The following THOC5 variants were observed in gnomAD, a reference collection of about 807,000 sequenced individuals.
The protein encoded by THOC5 is Fms-interacting protein.
In THOC5, 43 loss-of-function variants were observed where a neutral mutation model predicts 92.9. The ratio of observed to expected loss-of-function variants is 0.46; its 90% CI spans 0.36 to 0.60. The LOEUF is 0.60. Among genes scored for constraint, THOC5 ranks in the 20% least tolerant of loss-of-function variants. THOC5 has a pLI of 0.00. For missense variants in THOC5, 659 were observed against 849.4 expected (o/e 0.78, Z 2.79); for synonymous variants, 296 against 320.1 (o/e 0.92, Z 0.80).
intron 2 of THOC5, 34 bp from the exon 3 acceptor site, chr22:29,544,637 G>C: frequency 6.6e-7 from 1 of 1,524,132 alleles, no homozygotes; most frequent in Non-Finnish European, 8.8e-7. Context: ...CTGTGTGCAT[G>C]GGGTAAAAGT....
chr22:29,544,362 G>A lies in THOC5; in HGVS notation c.240+98C>T, dbSNP rs548368025. 9.7e-5 allele frequency: 130 copies of A among 1,345,004 alleles called. 2 individuals are homozygous for A. The South Asian group carries it at 1.9e-3, about 20-fold the overall frequency. 83.3% of individuals were successfully genotyped at this position (1,345,004 alleles called of 1,614,324 possible). On this transcript the variant is annotated intron_variant, in intron 3 of 19. Transcript: ENST00000490103. ...GCTCCAATCACCTGATCATGGCTAG[G>A]ACAGAAGATCAAGATCAGGAAGGGC...
intron 1 of THOC5, among the ~76,000 whole-genome samples, chr22:29,551,677 G>A (rs67292640): frequency 0.25 from 37,538 of 151,824 alleles, 4,733 homozygotes; most frequent in East Asian, 0.32. Flanking sequence ...CTTGAGCCCA[G>A]AAGTTCCAGG....
rs2063661676 is a variant in THOC5, at chr22:29,531,874, G to A, written c.804C>T (p.Leu268=). The A allele has an allele frequency of 1.2e-6, 2 of 1,614,214 alleles. No homozygotes were observed. The highest frequency in any genetic ancestry group is 2.2e-5 in the South Asian group (2 of 91,088). Residue 268 remains leucine (L), a synonymous_variant, in exon 8 of 20, where the codon CTC becomes CTT. Transcript: ENST00000490103. ...YETARHLPPP[L]YVLFVQATAY... ...CAGTGGCCTGAACAAAGAGGACATAGAGGGGAGGCGGCAGGTGTCTGGCTG... is the reference window on the plus strand; with the variant it reads ...CAGTGGCCTGAACAAAGAGGACATAAAGGGGAGGCGGCAGGTGTCTGGCTG...
chr22:29,552,966 T>C (rs1416137671), intron 1 of THOC5, among the ~76,000 whole-genome samples: 1 of 152,126 alleles, frequency 6.6e-6, no homozygotes, highest in African/African-American at 2.4e-5. Context: ...CTGAAACATG[T>C]GCTGTGTCCA....
At chr22:29,549,801 T>A (rs1186080955) in intron 1 of THOC5, among the ~76,000 whole-genome samples, 12 of 152,102 alleles carry the variant, frequency 7.9e-5, no homozygotes, top group Non-Finnish European at 1.3e-4. Flanking sequence ...AACTGCACCC[T>A]GCAATCCCAG....
At chr22:29,539,888 G>C (rs571326942) in intron 5 of THOC5, among the ~76,000 whole-genome samples, 1 of 152,174 alleles carries the variant, frequency 6.6e-6, no homozygotes, top group Admixed American at 6.6e-5. Context: ...CATTAGCCGC[G>C]TAAGAACAGA....
intron 17 of THOC5, among the ~76,000 whole-genome samples, chr22:29,514,407 C>T (rs1309229588): frequency 2.0e-5 from 3 of 148,700 alleles, no homozygotes; most frequent in Non-Finnish European, 4.5e-5. Context: ...AGCTCCGCCT[C>T]CCGGGTTCAC....
In THOC5 at chr22:29,511,260, G is replaced by T. The variant is rs1273097734; in HGVS notation, c.1834C>A (p.Leu612Met). 6.2e-7 allele frequency: 1 copy of T among 1,613,840 alleles called. No homozygotes were observed. Among genetic ancestry groups the T allele is most frequent in the African/African-American group, 1.3e-5 (1 of 74,914 alleles). ...TGGTGGCTGGGCCAAGGGCCACACA[G>T]CTCCTTGTAGCACACATTGACTTCG... ...EGEVNVCYKE[L>M]CGPWPSHQLL... Residue 612 changes from leucine to methionine, a missense_variant, in exon 19 of 20, where the codon CTG becomes ATG. Leu to Met is a conservative substitution (Grantham distance 15). Coordinates refer to ENST00000490103, the MANE Select transcript of THOC5 (RefSeq NM_003678.5).
intron 11 of THOC5, among the ~76,000 whole-genome samples, chr22:29,527,454 A>C (rs950264622): frequency 5.3e-5 from 8 of 152,174 alleles, no homozygotes; most frequent in African/African-American, 1.7e-4. Flanking sequence ...ACCAGCAAAA[A>C]GAAAACCAGT....
intron 2 of THOC5, among the ~76,000 whole-genome samples, chr22:29,545,446 C>T (rs1162564176): frequency 2.6e-5 from 4 of 152,136 alleles, no homozygotes; most frequent in African/African-American, 7.2e-5. Flanking sequence ...GTCCATAGTC[C>T]AAAATCTCAT....
chr22:29,510,775 G>A (rs1331204571), intron 19 of THOC5, among the ~76,000 whole-genome samples: 1 of 152,170 alleles, frequency 6.6e-6, no homozygotes, highest in African/African-American at 2.4e-5. Flanking sequence ...TCACTGACAG[G>A]ACAGTACCCT....
intron 1 of THOC5, among the ~76,000 whole-genome samples, chr22:29,550,467 C>T (rs1172498184): frequency 6.6e-6 from 1 of 152,004 alleles, no homozygotes; most frequent in Non-Finnish European, 1.5e-5. Context: ...CCACAGCCTC[C>T]TGAGGTGGGC....
Position 29,508,383 on chromosome 22 carries a change from G to A in THOC5, c.*74C>T, listed in dbSNP as rs1410943659. ...CTTTGGAGAATATCAAGAGTCACAT[G>A]TGGGCCAGAGCAGAAAGCAGAAGCC... is the stretch of plus-strand genomic sequence containing the variant. On this transcript the variant is annotated 3_prime_UTR_variant, in exon 20 of 20. Transcript: ENST00000490103. 13 of 1,445,328 alleles carry A rather than the reference G, an allele frequency of 9.0e-6. No individual in the cohort carries two copies. In the Admixed American group the frequency reaches 2.3e-4, roughly 25 times the overall value. The allele number at this position is 1,445,328 out of a possible 1,614,324, so 89.5% of individuals were successfully genotyped here.
At chr22:29,551,673 C>G (rs182218529) in intron 1 of THOC5, among the ~76,000 whole-genome samples, 1 of 152,036 alleles carries the variant, frequency 6.6e-6, no homozygotes, top group African/African-American at 2.4e-5. Flanking sequence ...ATGGCTTGAG[C>G]CCAGAAGTTC....
Position 29,519,132 on chromosome 22 carries a change from A to G in THOC5, c.1375-12T>C, listed in dbSNP as rs540529995. ...GCAATCACTGTTTGCTGTGAGTGAC[A>G]ATGAGACACATACACGTGTGCTCCC... is the stretch of plus-strand genomic sequence containing the variant. On this transcript the variant is annotated splice_polypyrimidine_tract_variant and intron_variant, in intron 14 of 19. Coordinates refer to ENST00000490103, the MANE Select transcript of THOC5 (RefSeq NM_003678.5). 8 of 1,578,864 alleles carry G rather than the reference A, an allele frequency of 5.1e-6. No homozygotes were observed. The South Asian group carries it at 7.9e-5, about 16-fold the overall frequency.
rs757589926 is a variant in THOC5, at chr22:29,525,854, T to C, written c.1159A>G (p.Thr387Ala). The change falls in exon 12 of 20, where the codon ACC (threonine) becomes GCC (alanine). Residue 387 changes from threonine (T) to alanine (A), a missense_variant. Physicochemically the swap from Thr to Ala is moderately conservative, Grantham distance 58. Transcript: ENST00000490103. ...GCTCAATACCCTGCACTGATGGGGG[T>C]GATCAGCTCCATGGCAGTTGTCACT... ...AKVTTAMELI[T>A]PISAGDLLSP... 1.6e-5 allele frequency: 26 copies of C among 1,613,452 alleles called. No individual in the cohort carries two copies. The highest frequency in any genetic ancestry group is 2.2e-5 in the Non-Finnish European group (26 of 1,179,816).
chr22:29,514,197 C>A (rs1461256197), intron 17 of THOC5, among the ~76,000 whole-genome samples: 4 of 152,190 alleles, frequency 2.6e-5, no homozygotes, highest in Admixed American at 2.6e-4. Flanking sequence ...GATCCACCCG[C>A]CTCCACCTAA....
chr22:29,521,155 T>C (rs2063434170), intron 12 of THOC5, 56 bp from the exon 13 acceptor site: 10 of 1,335,236 alleles, frequency 7.5e-6, no homozygotes, highest in Non-Finnish European at 1.1e-5. Context: ...TTCTTCAACA[T>C]AGGCTTGGGC....
At chr22:29,533,197 C>T (rs972883875) in intron 7 of THOC5, among the ~76,000 whole-genome samples, 3 of 152,158 alleles carry the variant, frequency 2.0e-5, no homozygotes, top group Admixed American at 6.5e-5. Flanking sequence ...GATTCTGAAA[C>T]TTGTATGTAA....
Sources: gnomAD v4.1 joint callset for allele counts (sites outside exome capture counted in the v4.1 genomes callset) on GRCh38, gnomAD v4.1.1 for gene constraint, MANE v1.5 for transcripts, NCBI Gene and HGNC (gene_info 2026-07-23, HGNC 2026-07-21) for gene names.